Variants in CHST11 observed in about 807,000 individuals in gnomAD.
The protein encoded by CHST11 is C4S-1.
In CHST11, 9 loss-of-function variants were observed where a neutral mutation model predicts 30.4. That is an observed-to-expected ratio of 0.30 (90% CI 0.18 to 0.52). CHST11 has a LOEUF of 0.52. Ranked by LOEUF, CHST11 falls within the 20% of genes least tolerant of loss-of-function variation. The pLI is 0.97. For synonymous variants in CHST11, 152 were observed against 187.8 expected, an observed-to-expected ratio of 0.81 and a Z score of 1.56; for missense variants, 348 against 460.6, an observed-to-expected ratio of 0.76 and a Z score of 2.24.
intron 2 of CHST11, among the ~76,000 whole-genome samples, chr12:104,621,164 G>A (rs2039155521): frequency 6.6e-6 from 1 of 152,194 alleles, no homozygotes; most frequent in East Asian, 1.9e-4. Context: ...TGGGATCTTG[G>A]GGAGTCTCAC....
chr12:104,509,599 A>G (rs983887424), intron 1 of CHST11, among the ~76,000 whole-genome samples: 1 of 152,082 alleles, frequency 6.6e-6, no homozygotes, highest in Non-Finnish European at 1.5e-5. Context: ...ATTTCATCTT[A>G]CTCTCGTGAT....
intron 2 of CHST11, among the ~76,000 whole-genome samples, chr12:104,743,711 C>G (rs562837337): frequency 7.4e-4 from 112 of 152,176 alleles, no homozygotes; most frequent in African/African-American, 2.5e-3. Context: ...TTTCATCACC[C>G]AAGTATTAAA....
rs146135558 is a variant in CHST11, at chr12:104,647,182, C to G, written c.204+45191C>G. Among the ~76,000 whole-genome samples, 373 of 152,328 alleles carry G rather than the reference C, an allele frequency of 2.4e-3. 4 individuals carry two copies. Among genetic ancestry groups the G allele is most frequent in the African/African-American group, 8.4e-3 (351 of 41,568 alleles). ...GGAGGCTCCTGAAGGTCCCTCTTAC[C>G]TCCACGATTCTCTGGTTCTCTGGAG... On this transcript the variant is annotated intron_variant, in intron 2 of 2. Transcript: ENST00000303694.
intron 1 of CHST11, among the ~76,000 whole-genome samples, chr12:104,499,252 G>A (rs893365699): frequency 6.6e-6 from 1 of 152,198 alleles, no homozygotes; most frequent in Non-Finnish European, 1.5e-5. Context: ...TGGGCTTTCT[G>A]TTGAGGCCAA....
At chr12:104,743,164 C>T (rs2040361150) in intron 2 of CHST11, among the ~76,000 whole-genome samples, 1 of 152,230 alleles carries the variant, frequency 6.6e-6, no homozygotes, top group Non-Finnish European at 1.5e-5. Flanking sequence ...TGAAAACTAC[C>T]TGCCATCTCA....
intron 1 of CHST11, among the ~76,000 whole-genome samples, chr12:104,486,729 G>A (rs1315548202): frequency 2.0e-5 from 3 of 152,176 alleles, no homozygotes; most frequent in Non-Finnish European, 4.4e-5. Flanking sequence ...TTCAGAGCTG[G>A]AAAGAGCCCC....
chr12:104,651,114 A>G (rs1195364832), intron 2 of CHST11, among the ~76,000 whole-genome samples: 1 of 152,236 alleles, frequency 6.6e-6, no homozygotes, highest in Non-Finnish European at 1.5e-5. Context: ...TGGTGGCCCA[A>G]TTGCCGATTC....
intron 2 of CHST11, among the ~76,000 whole-genome samples, chr12:104,696,247 A>G (rs1301337902): frequency 1.3e-5 from 2 of 151,894 alleles, no homozygotes; most frequent in African/African-American, 2.4e-5. Flanking sequence ...AGCAGATGAT[A>G]TAATAAACAC....
intron 1 of CHST11, among the ~76,000 whole-genome samples, chr12:104,549,358 A>G (rs1230977773): frequency 6.6e-6 from 1 of 152,222 alleles, no homozygotes; most frequent in Non-Finnish European, 1.5e-5. Context: ...CAGGCAAAAT[A>G]TATAGAATAA....
intron 2 of CHST11, among the ~76,000 whole-genome samples, chr12:104,645,531 A>C (rs1398498897): frequency 6.6e-6 from 1 of 152,076 alleles, no homozygotes; most frequent in African/African-American, 2.4e-5. Context: ...TGGGCACCGC[A>C]GTTGTCTTTA....
chr12:104,518,511 C>T (rs1264355206), intron 1 of CHST11, among the ~76,000 whole-genome samples: 13 of 152,044 alleles, frequency 8.6e-5, no homozygotes, highest in Non-Finnish European at 1.5e-5. Context: ...GTCTGTGCAC[C>T]GTGTTCTGGG....
chr12:104,457,264 C>T lies in CHST11; in HGVS notation c.-148C>T, dbSNP rs543163484. On this transcript the variant is annotated 5_prime_UTR_variant, in exon 1 of 3. Transcript: ENST00000303694. ...CTGCCCGGGCTGGGGGCTCCGAGAG[C>T]GGCCGCGAAGCGACTCCGATCCTCC... 8.5e-6 allele frequency: 5 copies of T among 589,158 alleles called. No homozygotes were observed. In the African/African-American group the frequency reaches 9.4e-5, roughly 11 times the overall value. 36.5% of individuals were successfully genotyped at this position (589,158 alleles called of 1,614,324 possible).
chr12:104,734,877 G>A (rs968328378), intron 2 of CHST11, among the ~76,000 whole-genome samples: 4 of 152,248 alleles, frequency 2.6e-5, no homozygotes, highest in African/African-American at 9.6e-5. Flanking sequence ...GGTGGGGCCT[G>A]CGTTTATCTG....
chr12:104,535,268 G>C (rs1164538444), intron 1 of CHST11, among the ~76,000 whole-genome samples: 1 of 152,234 alleles, frequency 6.6e-6, no homozygotes, highest in African/African-American at 2.4e-5. Flanking sequence ...GGAAGGAATG[G>C]GAATGGTAGG....
intron 2 of CHST11, among the ~76,000 whole-genome samples, chr12:104,632,347 A>G (rs563540122): frequency 1.3e-5 from 2 of 152,256 alleles, no homozygotes; most frequent in African/African-American, 4.8e-5. Flanking sequence ...TTGAATTTGA[A>G]AAGTCCAAGT....
intron 1 of CHST11, among the ~76,000 whole-genome samples, chr12:104,593,217 C>G (rs1044378897): frequency 3.9e-5 from 6 of 152,070 alleles, no homozygotes; most frequent in Non-Finnish European, 8.8e-5. Context: ...TAGGAGAGGC[C>G]AACACGGGAA....
intron 1 of CHST11, among the ~76,000 whole-genome samples, chr12:104,475,391 G>C (rs1403481587): frequency 6.6e-6 from 1 of 151,874 alleles, no homozygotes; most frequent in Non-Finnish European, 1.5e-5. Context: ...GGGGAGGTCA[G>C]GGAACTTGAC....
chr12:104,696,064 C>A (rs968225991), intron 2 of CHST11, among the ~76,000 whole-genome samples: 16 of 152,118 alleles, frequency 1.1e-4, no homozygotes, highest in Middle Eastern at 3.2e-3. Context: ...GTACACAATG[C>A]AACATTAAAC....
At chr12:104,717,753 AGAGT>A (rs1315097038) in intron 2 of CHST11, among the ~76,000 whole-genome samples, 3 of 152,102 alleles carry the variant, frequency 2.0e-5, no homozygotes, top group Non-Finnish European at 4.4e-5. Context: ...CCTGGGTGAC[AGAGT>A]GAGACTCTGC....
Sources: allele counts gnomAD v4.1 joint callset (sites outside exome capture counted in the v4.1 genomes callset), GRCh38; gene constraint gnomAD v4.1.1; transcripts MANE v1.5; gene names NCBI Gene and HGNC (gene_info 2026-07-23, HGNC 2026-07-21).